The following RBFOX3 variants were observed in gnomAD, a reference collection of about 807,000 sequenced individuals.
The protein encoded by RBFOX3 is RNA binding fox-1 homolog 3, also known as RNA binding protein fox-1 homolog 3.
RBFOX3 carries 17 observed loss-of-function variants against 48.7 expected under a neutral mutation model. The observed-to-expected ratio is 0.35, with a 90% CI of 0.24 to 0.52. The LOEUF is 0.52. RBFOX3 is among the 20% of genes least tolerant of loss of function. The pLI, the probability that RBFOX3 is intolerant of heterozygous loss-of-function variation, is 0.94. For synonymous variants in RBFOX3, 212 were observed against 209.5 expected (o/e 1.01, Z -0.10); for missense variants, 382 against 497.5 (o/e 0.77, Z 2.21).
chr17:79,284,650 C>T (rs9914244), intron 3 of RBFOX3, among the ~76,000 whole-genome samples: 78,599 of 151,526 alleles, frequency 0.52, 20,841 homozygotes, highest in African/African-American at 0.6. Context: ...AGGGATTCTC[C>T]GGCCTCAGCC....
At chr17:79,603,556 A>G (rs1373303108) in intron 1 of RBFOX3, among the ~76,000 whole-genome samples, 1 of 152,168 alleles carries the variant, frequency 6.6e-6, no homozygotes, top group African/African-American at 2.4e-5. Flanking sequence ...TCAGACCCCA[A>G]CCTCTCTATA....
intron 3 of RBFOX3, among the ~76,000 whole-genome samples, chr17:79,247,856 G>A (rs759096275): frequency 6.6e-6 from 1 of 152,228 alleles, no homozygotes; most frequent in Non-Finnish European, 1.5e-5. Flanking sequence ...ACATCGAAGT[G>A]CCTCAGTTTA....
intron 1 of RBFOX3, among the ~76,000 whole-genome samples, chr17:79,607,804 A>G (rs2093869151): frequency 6.6e-6 from 1 of 152,132 alleles, no homozygotes; most frequent in Non-Finnish European, 1.5e-5. Flanking sequence ...GGAAGATGGC[A>G]TTTTCTCTGG....
At chr17:79,236,656 C>A (rs542539620) in intron 3 of RBFOX3, among the ~76,000 whole-genome samples, 335 of 152,250 alleles carry the variant, frequency 2.2e-3, no homozygotes, top group Non-Finnish European at 4.1e-3. Flanking sequence ...TCAGGTGCAC[C>A]TACCAGCAGC....
At chr17:79,489,997 T>A (rs1483654882) in intron 1 of RBFOX3, among the ~76,000 whole-genome samples, 2 of 152,228 alleles carry the variant, frequency 1.3e-5, no homozygotes, top group Non-Finnish European at 2.9e-5. Context: ...CACCTCATTT[T>A]AGTAGTAAAG....
At chr17:79,137,237 GCACACACA>G (rs4012813) in intron 4 of RBFOX3, among the ~76,000 whole-genome samples, 1 of 150,290 alleles carries the variant, frequency 6.7e-6, no homozygotes, top group Non-Finnish European at 1.5e-5. Context: ...CCCTCTTCAT[GCACACACA>G]CACACACACA....
intron 1 of RBFOX3, among the ~76,000 whole-genome samples, chr17:79,587,021 A>T (rs1316017359): frequency 6.6e-6 from 1 of 152,246 alleles, no homozygotes; most frequent in African/African-American, 2.4e-5. Flanking sequence ...ATTTGCTGCT[A>T]CAGATGCAGA....
chr17:79,392,545 C>A lies in RBFOX3; in HGVS notation c.-174-84721G>T, dbSNP rs1453744637. Among the ~76,000 whole-genome samples the A allele has an allele frequency of 1.3e-5, 2 of 152,214 alleles. No individual in the cohort carries two copies. Among genetic ancestry groups the A allele is most frequent in the Non-Finnish European group, 2.9e-5 (2 of 68,040 alleles). On this transcript the variant is annotated intron_variant, in intron 2 of 14. Coordinates refer to ENST00000693108, the MANE Select transcript of RBFOX3 (RefSeq NM_001350451.2). This position sits in a 1 kb window ranked among gnomAD's most constrained non-coding sequence, Gnocchi z 5.0. ...GAGCCACGGGGAGCTGCCCTTCCCA[C>A]CCACTTAAGTTAGGCACCATCCCGT...
Position 79,243,514 on chromosome 17 carries a change from C to T in RBFOX3, c.-73-7709G>A, listed in dbSNP as rs980405994. Reference sequence around the variant, plus strand: ...GTGTCATTTGGGACTGTGGAGTCGACCACAGTCAATTGCTTGGGTGATATA... The same window carrying T: ...GTGTCATTTGGGACTGTGGAGTCGATCACAGTCAATTGCTTGGGTGATATA... On this transcript the variant is annotated intron_variant, in intron 3 of 14. Transcript: ENST00000693108. This position sits in a 1 kb window ranked among gnomAD's most constrained non-coding sequence, Gnocchi z 7.9. Among the ~76,000 whole-genome samples the T allele has an allele frequency of 1.3e-5, 2 of 152,130 alleles. No homozygotes were observed. Among genetic ancestry groups the T allele is most frequent in the Non-Finnish European group, 2.9e-5 (2 of 68,022 alleles).
chr17:79,291,500 G>C (rs1223224012), intron 3 of RBFOX3, among the ~76,000 whole-genome samples: 1 of 152,160 alleles, frequency 6.6e-6, no homozygotes, highest in Non-Finnish European at 1.5e-5. Context: ...AAAAGCTCTT[G>C]GTCAGGGATG....
intron 2 of RBFOX3, among the ~76,000 whole-genome samples, chr17:79,402,548 C>T (rs1206879369): frequency 3.3e-5 from 5 of 152,154 alleles, no homozygotes; most frequent in Admixed American, 2.0e-4. Context: ...GGGGGCCCCG[C>T]GGGGCGGACA....
intron 3 of RBFOX3, among the ~76,000 whole-genome samples, chr17:79,301,081 C>G (rs1014316227): frequency 6.6e-6 from 1 of 152,194 alleles, no homozygotes; most frequent in Non-Finnish European, 1.5e-5. Context: ...TGCACCTCGG[C>G]AGTTTTAACA....
At chr17:79,260,118 G>A (rs973509127) in intron 3 of RBFOX3, among the ~76,000 whole-genome samples, 1 of 151,992 alleles carries the variant, frequency 6.6e-6, no homozygotes, top group Non-Finnish European at 1.5e-5. Context: ...CACTTACTGA[G>A]CACCCCTGGG....
At chr17:79,613,577 G>A (rs1410973638), upstream of RBFOX3, among the ~76,000 whole-genome samples, 3 of 152,236 alleles carry the variant, frequency 2.0e-5, no homozygotes, top group Admixed American at 6.5e-5. Context: ...TAATCATTAG[G>A]AGAGAAACAC....
rs55835894 is a variant in RBFOX3, at chr17:79,089,829, C to T, written c.*1054G>A. 0.074 allele frequency: 11,299 copies of T among 152,600 alleles called. 497 individuals are homozygous for T. The highest frequency in any genetic ancestry group is 0.088 in the Non-Finnish European group (6,010 of 68,064). The allele number at this position is 152,600 out of a possible 1,614,324, so 9.5% of individuals were successfully genotyped here. A position where few individuals can be genotyped will look rare whatever the true frequency, so the allele number is the denominator to read the frequency against. ...GCTGCTCCCGCCACCTGGACACCTG[C>T]CTTGGGAGCAGGGAAGGGGCCGGCC... On this transcript the variant is annotated 3_prime_UTR_variant, in exon 15 of 15. Transcript: ENST00000693108.
chr17:79,399,829 C>T lies in RBFOX3; in HGVS notation c.-175+82625G>A, dbSNP rs547428896. On this transcript the variant is annotated intron_variant, in intron 2 of 14. Transcript: ENST00000693108. ...CCGTCTTCAGCAAGCGTGAACGCGC[C>T]GCTGGAAAGAATGCTGGCTTTCTCT... Among the ~76,000 whole-genome samples, 6 of 152,366 alleles carry T rather than the reference C, an allele frequency of 3.9e-5. 1 individual carries two copies. Among genetic ancestry groups the T allele is most frequent in the East Asian group, 1.9e-4 (1 of 5,188 alleles).
rs58753103 is a variant in RBFOX3 at position 79,356,676 on chromosome 17, ATT to A, written c.-174-48854_-174-48853del. 5.2e-3 allele frequency among the ~76,000 whole-genome samples: 767 copies of A among 147,378 alleles called. 6 individuals carry two copies. Among genetic ancestry groups the A allele is most frequent in the African/African-American group, 0.018 (743 of 40,302 alleles). On this transcript the variant is annotated intron_variant, in intron 2 of 14. Transcript: ENST00000693108. ...GAGCCACTGTGCCCAGCCAGTTTTGATTTTTTTTTTTATGCCATCAGAGAAGG... is the reference window on the plus strand; with the variant it reads ...GAGCCACTGTGCCCAGCCAGTTTTGATTTTTTTTTATGCCATCAGAGAAGG...
chr17:79,317,321 G>C (rs564103260), intron 2 of RBFOX3, among the ~76,000 whole-genome samples: 2 of 152,360 alleles, frequency 1.3e-5, no homozygotes, highest in South Asian at 4.1e-4. Context: ...CGGCCATAAG[G>C]AAGTTGCTAT....
the RBFOX3 span, among the ~76,000 whole-genome samples, chr17:79,631,955 A>T: frequency 5.9e-5 from 9 of 152,184 alleles, no homozygotes; most frequent in African/African-American, 2.2e-4. Flanking sequence ...CAGCTCACGG[A>T]CAGCAGAGCT....
Sources: allele counts gnomAD v4.1 joint callset (sites outside exome capture counted in the v4.1 genomes callset), GRCh38; gene constraint gnomAD v4.1.1; non-coding constraint Gnocchi (gnomAD v3.1); transcripts MANE v1.5; gene names NCBI Gene and HGNC (gene_info 2026-07-23, HGNC 2026-07-21).